Variants in CPNE4 observed in about 807,000 individuals in gnomAD.
CPNE4 encodes the protein copine 4, also known as copine-4.
A neutral mutation model predicts 67.9 loss-of-function variants in CPNE4; 25 were observed. The ratio of observed to expected loss-of-function variants is 0.37; its 90% CI spans 0.27 to 0.51. The LOEUF is 0.51. Among genes scored for constraint, CPNE4 ranks in the 20% least tolerant of loss-of-function variants. The pLI, the probability that CPNE4 is intolerant of heterozygous loss-of-function variation, is 0.93. For synonymous variants in CPNE4, 242 were observed against 244.9 expected, an observed-to-expected ratio of 0.99 and a Z score of 0.11; for missense variants, 464 against 690.8, an observed-to-expected ratio of 0.67 and a Z score of 3.68.
intron 3 of CPNE4, among the ~76,000 whole-genome samples, chr3:131,702,261 T>C (rs2107707155): frequency 6.6e-6 from 1 of 152,318 alleles, no homozygotes; most frequent in East Asian, 1.9e-4. Flanking sequence ...GAGTACATAT[T>C]ATGTTACAGA....
At chr3:132,006,254 A>C (rs1318819175) in intron 1 of CPNE4, among the ~76,000 whole-genome samples, 1 of 152,128 alleles carries the variant, frequency 6.6e-6, no homozygotes, top group African/African-American at 2.4e-5. Context: ...GAGATGAAGA[A>C]CCTGGACACA....
chr3:131,584,436 C>G (rs942179932), intron 8 of CPNE4, among the ~76,000 whole-genome samples: 5 of 152,148 alleles, frequency 3.3e-5, no homozygotes, highest in African/African-American at 1.2e-4. Flanking sequence ...TCCTCCTTCC[C>G]TTACTCCCTA....
At chr3:131,899,272 G>A (rs995872552) in intron 2 of CPNE4, among the ~76,000 whole-genome samples, 32 of 151,998 alleles carry the variant, frequency 2.1e-4, no homozygotes, top group African/African-American at 7.5e-4. Flanking sequence ...CACGAACCTC[G>A]TATTTTGTTA....
intron 5 of CPNE4, among the ~76,000 whole-genome samples, chr3:131,688,768 A>C (rs886611393): frequency 2.6e-5 from 4 of 152,200 alleles, no homozygotes. Flanking sequence ...AATAAAAAGA[A>C]GGAAAAAAGA....
At chr3:132,000,328 T>C (rs1239550957) in intron 1 of CPNE4, among the ~76,000 whole-genome samples, 1 of 152,000 alleles carries the variant, frequency 6.6e-6, no homozygotes. Context: ...AATGTGGTGC[T>C]TAACAAGTAC....
At chr3:131,562,685 A>G (rs1266928153) in intron 11 of CPNE4, among the ~76,000 whole-genome samples, 1 of 151,960 alleles carries the variant, frequency 6.6e-6, no homozygotes, top group Non-Finnish European at 1.5e-5. Context: ...GAAGTTTCCA[A>G]TGTAGTGGAT....
At chr3:131,986,183 TA>T (rs199683970) in intron 1 of CPNE4, among the ~76,000 whole-genome samples, 28,320 of 152,064 alleles carry the variant, frequency 0.19, 3,412 homozygotes, top group East Asian at 0.37. Context: ...TATTTACCTA[TA>T]GGGGGTGTGT....
intron 2 of CPNE4, among the ~76,000 whole-genome samples, chr3:131,891,108 C>A (rs536237881): frequency 1.3e-5 from 2 of 152,002 alleles, no homozygotes; most frequent in South Asian, 4.2e-4. Flanking sequence ...GAAAAACAAA[C>A]AAACAAAAAC....
intron 7 of CPNE4, among the ~76,000 whole-genome samples, chr3:131,665,090 A>T (rs1456234836): frequency 3.3e-5 from 5 of 152,194 alleles, no homozygotes; most frequent in Non-Finnish European, 7.3e-5. Flanking sequence ...AGCCAGGTGC[A>T]TTGGCTCACG....
chr3:131,617,594 A>G (rs1013623646), intron 7 of CPNE4, among the ~76,000 whole-genome samples: 3 of 152,194 alleles, frequency 2.0e-5, no homozygotes, highest in African/African-American at 4.8e-5. Context: ...GCTGATCTTT[A>G]TCATAACCCT....
chr3:132,018,552 C>A (rs1441924033), intron 1 of CPNE4, among the ~76,000 whole-genome samples: 1 of 152,114 alleles, frequency 6.6e-6, no homozygotes, highest in African/African-American at 2.4e-5. Context: ...TCCCCTAGCA[C>A]CCCTCATCTT....
At chr3:131,798,640 T>A (rs1317707759) in intron 2 of CPNE4, among the ~76,000 whole-genome samples, 3 of 152,044 alleles carry the variant, frequency 2.0e-5, no homozygotes, top group African/African-American at 4.8e-5. Context: ...GATATGATAG[T>A]TTTTTGTGAT....
At chr3:131,906,398 CCCCCCCT>C (rs1297876085) in intron 1 of CPNE4, among the ~76,000 whole-genome samples, 6 of 106,912 alleles carry the variant, frequency 5.6e-5, no homozygotes, top group Non-Finnish European at 9.3e-5. Flanking sequence ...TGCTATCCCT[CCCCCCCT>C]CCCCCCACCC....
chr3:131,693,322 C>T (rs918097117), intron 5 of CPNE4, among the ~76,000 whole-genome samples: 2 of 151,872 alleles, frequency 1.3e-5, no homozygotes, highest in African/African-American at 4.8e-5. Flanking sequence ...TAATATTTAC[C>T]ATATTATAAA....
intron 1 of CPNE4, among the ~76,000 whole-genome samples, chr3:131,942,455 TGTGTGTGTGAGAGAGAGAGAGAGA>T (rs2071420347): frequency 1.6e-5 from 1 of 62,282 alleles, no homozygotes; most frequent in African/African-American, 7.2e-5. Context: ...TGTGTGTGTG[TGTGTGTGTGAGAGAGAGAGAGAGA>T]GAGAGAGAGA....
At chr3:131,881,174 C>T (rs557169587) in intron 2 of CPNE4, among the ~76,000 whole-genome samples, 4 of 152,286 alleles carry the variant, frequency 2.6e-5, no homozygotes, top group African/African-American at 9.6e-5. Context: ...AAAACCTGAA[C>T]GCTGTCCAAA....
intron 2 of CPNE4, among the ~76,000 whole-genome samples, chr3:131,828,453 T>C (rs532773660): frequency 1.6e-4 from 24 of 152,326 alleles, no homozygotes; most frequent in African/African-American, 5.3e-4. Flanking sequence ...ATCCATGCTA[T>C]TATAAGCATT....
chr3:131,648,669 C>T (rs546390411), intron 7 of CPNE4, among the ~76,000 whole-genome samples: 1 of 152,204 alleles, frequency 6.6e-6, no homozygotes, highest in South Asian at 2.1e-4. Flanking sequence ...CTGAAAATTC[C>T]AGCTCTGCTT....
chr3:131,881,503 A>G (rs1203421197), intron 2 of CPNE4, among the ~76,000 whole-genome samples: 1 of 152,024 alleles, frequency 6.6e-6, no homozygotes, highest in Non-Finnish European at 1.5e-5. Flanking sequence ...AACTTGTTCA[A>G]TTATAGGTGT....
Sources: gnomAD v4.1 joint callset for allele counts (sites outside exome capture counted in the v4.1 genomes callset) on GRCh38, gnomAD v4.1.1 for gene constraint, MANE v1.5 for transcripts, NCBI Gene and HGNC (gene_info 2026-07-23, HGNC 2026-07-21) for gene names.